Variants in MYO1E observed in about 807,000 individuals in gnomAD.
MYO1E encodes unconventional myosin-Ie.
In MYO1E, 68 loss-of-function variants were observed where a neutral mutation model predicts 151.1. The observed-to-expected ratio is 0.45, with a 90% confidence interval of 0.37 to 0.55. The LOEUF (loss-of-function observed/expected upper bound fraction) is 0.55. Among genes scored for constraint, MYO1E ranks in the 20% least tolerant of loss-of-function variants. MYO1E has a pLI of 0.00. For missense variants in MYO1E, 1,363 were observed against 1,389.3 expected, an observed-to-expected ratio of 0.98 and a Z score of 0.30; for synonymous variants, 601 against 501.7, an observed-to-expected ratio of 1.20 and a Z score of -2.64.
intron 1 of MYO1E, among the ~76,000 whole-genome samples, chr15:59,330,608 T>A (rs1188136078): frequency 6.6e-6 from 1 of 152,228 alleles, no homozygotes; most frequent in African/African-American, 2.4e-5. Context: ...TTTAAAAAGC[T>A]ATCCTTGATT....
At chr15:59,166,673 G>C (rs1438001578) in intron 22 of MYO1E, among the ~76,000 whole-genome samples, 2 of 152,024 alleles carry the variant, frequency 1.3e-5, no homozygotes, top group Non-Finnish European at 2.9e-5. Context: ...GGAAGATACG[G>C]AGGCGAATCA....
intron 4 of MYO1E, among the ~76,000 whole-genome samples, chr15:59,238,860 G>C (rs897824888): frequency 6.6e-6 from 1 of 151,496 alleles, no homozygotes. Context: ...TGTGAGCCAC[G>C]ACACCTGGCT....
chr15:59,299,273 A>G (rs1454282425), intron 1 of MYO1E, among the ~76,000 whole-genome samples: 1 of 152,242 alleles, frequency 6.6e-6, no homozygotes, highest in East Asian at 1.9e-4. Flanking sequence ...TTGAGTAATG[A>G]GATACAAATT....
chr15:59,321,429 C>G (rs1217637960), intron 1 of MYO1E, among the ~76,000 whole-genome samples: 2 of 152,336 alleles, frequency 1.3e-5, no homozygotes, highest in Non-Finnish European at 2.9e-5. Flanking sequence ...ATGGAATCAA[C>G]CTAGGTGCCC....
chr15:59,183,184 T>C (rs560474431), intron 18 of MYO1E, among the ~76,000 whole-genome samples: 50 of 152,266 alleles, frequency 3.3e-4, no homozygotes, highest in Middle Eastern at 3.4e-3. Flanking sequence ...GTGCATAGAC[T>C]TCCTGCTCTC....
intron 18 of MYO1E, among the ~76,000 whole-genome samples, chr15:59,180,961 A>G (rs577911822): frequency 6.6e-6 from 1 of 152,270 alleles, no homozygotes; most frequent in African/African-American, 2.4e-5. Context: ...TCTGCCTGGA[A>G]ATCTGTTCCC....
intron 25 of MYO1E, among the ~76,000 whole-genome samples, chr15:59,154,141 A>G (rs2079497309): frequency 6.6e-6 from 1 of 152,194 alleles, no homozygotes; most frequent in Admixed American, 6.5e-5. Context: ...TGGGGTTCAA[A>G]GCCCACAGTA....
At chr15:59,179,332 G>C (rs1363921276) in intron 18 of MYO1E, among the ~76,000 whole-genome samples, 1 of 152,078 alleles carries the variant, frequency 6.6e-6, no homozygotes, top group Non-Finnish European at 1.5e-5. Context: ...TACTCTAATT[G>C]GTAGTTATAT....
chr15:59,337,804 C>T (rs2080738417), intron 1 of MYO1E, among the ~76,000 whole-genome samples: 1 of 152,048 alleles, frequency 6.6e-6, no homozygotes, highest in African/African-American at 2.4e-5. Context: ...TGCACTCCAG[C>T]CTAGGCAACA....
intron 27 of MYO1E, 63 bp downstream of exon 27, chr15:59,138,135 C>A (rs571741381): frequency 6.8e-5 from 107 of 1,580,314 alleles, no homozygotes; most frequent in Admixed American, 1.8e-4. Context: ...CACACTAGAT[C>A]TTACAGCAAT....
At chr15:59,295,398 G>A (rs1015528519) in intron 1 of MYO1E, among the ~76,000 whole-genome samples, 2 of 152,134 alleles carry the variant, frequency 1.3e-5, no homozygotes, top group African/African-American at 4.8e-5. Context: ...GATTTGTGTT[G>A]AGGAAACGGT....
At chr15:59,229,071 G>A (rs563360252) in intron 6 of MYO1E, among the ~76,000 whole-genome samples, 6 of 152,214 alleles carry the variant, frequency 3.9e-5, no homozygotes, top group East Asian at 3.9e-4. Context: ...TTCCTTTGGC[G>A]GCCACCTTCA....
At chr15:59,305,155 C>G (rs1035359796) in intron 1 of MYO1E, among the ~76,000 whole-genome samples, 1 of 152,182 alleles carries the variant, frequency 6.6e-6, no homozygotes, top group Non-Finnish European at 1.5e-5. Flanking sequence ...GCCTTCATAT[C>G]TAGCAGAATG....
chr15:59,273,377 T>C (rs2080299512), intron 1 of MYO1E, among the ~76,000 whole-genome samples: 1 of 150,026 alleles, frequency 6.7e-6, no homozygotes, highest in South Asian at 2.1e-4. Context: ...TAGATAATGA[T>C]GGAACAAAGT....
chr15:59,258,006 G>A (rs1279286224), intron 3 of MYO1E, among the ~76,000 whole-genome samples: 5 of 152,194 alleles, frequency 3.3e-5, no homozygotes, highest in African/African-American at 1.2e-4. Context: ...CTCCAGTGCT[G>A]CCATATGCCA....
chr15:59,308,306 G>T (rs1596410462), intron 1 of MYO1E, among the ~76,000 whole-genome samples: 1 of 148,502 alleles, frequency 6.7e-6, no homozygotes, highest in African/African-American at 2.5e-5. Flanking sequence ...GAGGCTGAGG[G>T]GGGCAGATCG....
At chr15:59,246,633 T>G (rs563175209) in intron 4 of MYO1E, among the ~76,000 whole-genome samples, 2 of 152,286 alleles carry the variant, frequency 1.3e-5, no homozygotes, top group Non-Finnish European at 2.9e-5. Flanking sequence ...TAACCTTATC[T>G]TTTTGAACCA....
At chr15:59,171,596 C>A (rs2079594651) in intron 22 of MYO1E, among the ~76,000 whole-genome samples, 1 of 152,190 alleles carries the variant, frequency 6.6e-6, no homozygotes, top group South Asian at 2.1e-4. Flanking sequence ...AGAAATTATT[C>A]TCTGAGGTGT....
intron 1 of MYO1E, among the ~76,000 whole-genome samples, chr15:59,362,816 G>A (rs575031291): frequency 3.9e-5 from 6 of 152,282 alleles, no homozygotes; most frequent in South Asian, 4.1e-4. Context: ...TCACACCGAA[G>A]AAATTATTAG....
Sources: gnomAD v4.1 joint callset for allele counts (sites outside exome capture counted in the v4.1 genomes callset) on GRCh38, gnomAD v4.1.1 for gene constraint, MANE v1.5 for transcripts, NCBI Gene and HGNC (gene_info 2026-07-23, HGNC 2026-07-21) for gene names.